The following USE1 variants were observed in gnomAD, a reference collection of about 807,000 sequenced individuals.
USE1 encodes unconventional SNARE in the ER 1, also known as vesicle transport protein USE1.
USE1 carries 32 observed loss-of-function variants against 37.6 expected under a neutral mutation model. The ratio of observed to expected loss-of-function variants is 0.85; its 90% CI spans 0.64 to 1.14. The LOEUF is 1.14. Among genes scored for constraint, USE1 ranks in the 50% most tolerant of loss-of-function variants. The pLI, the probability that USE1 is intolerant of heterozygous loss-of-function variation, is 0.00. For missense variants in USE1, 310 were observed against 332.2 expected (o/e 0.93, Z 0.52); for synonymous variants, 149 against 137.6 (o/e 1.08, Z -0.58).
At chr19:17,215,708 C>A (rs1446755768) in intron 1 of USE1, 94 bp from the exon 2 acceptor site, 12 of 1,184,184 alleles carry the variant, frequency 1.0e-5, no homozygotes, top group Admixed American at 2.1e-5. Context: ...CTCCTTTACG[C>A]TTGACCCCTC....
rs193208404 is a variant in USE1 at position 17,218,583 on chromosome 19, T to C, written c.422+192T>C. 226 of 619,948 alleles carry C rather than the reference T, an allele frequency of 3.6e-4. 1 individual carries two copies. The African/African-American group carries it at 3.7e-3, about 10-fold the overall frequency. 38.4% of individuals were successfully genotyped at this position (619,948 alleles called of 1,614,324 possible). A position where few individuals can be genotyped will look rare whatever the true frequency, so the allele number is the denominator to read the frequency against. The stretch of plus-strand genomic sequence containing the variant: ...GCTCACGCCTGTAATCCCAATACTT[T>C]GGGAGGCTGAGGCAGGCAGATCACC... On this transcript the variant is annotated intron_variant, in intron 6 of 7. Coordinates refer to ENST00000263897, the MANE Select transcript of USE1 (RefSeq NM_018467.4).
chr19:17,215,489 C>T lies in USE1; in HGVS notation c.84C>T (p.Asp28=). 1 of 1,561,506 alleles carries T rather than the reference C, an allele frequency of 6.4e-7. No individual in the cohort carries two copies. The highest frequency in any genetic ancestry group is 8.7e-7 in the Non-Finnish European group (1 of 1,154,314). The change falls in exon 1 of 8, where the codon GAC becomes GAT. Residue 28 remains aspartate, a synonymous_variant. Coordinates refer to ENST00000263897, the MANE Select transcript of USE1 (RefSeq NM_018467.4). ...TGGCAGCGGAGAAACGGGACCCGGA[C>T]GAGTGGCGCCTGGAGAAGGTGAGGG... is the stretch of plus-strand genomic sequence containing the variant. The part of the protein sequence containing the change: ...EAMAAEKRDP[D]EWRLEKYVGA...
intron 4 of USE1, 116 bp downstream of exon 4, chr19:17,216,437 A>G (rs150842518): frequency 1.2e-4 from 162 of 1,405,264 alleles, no homozygotes; most frequent in Non-Finnish European, 1.5e-4. Flanking sequence ...GGGTCCAGCA[A>G]TCTCTTCCCT....
chr19:17,216,004 T>G lies in USE1; in HGVS notation c.165T>G (p.Ser55=). The G allele has an allele frequency of 1.2e-6, 2 of 1,606,408 alleles. No homozygotes were observed. Among genetic ancestry groups the G allele is most frequent in the Non-Finnish European group, 1.7e-6 (2 of 1,176,520 alleles). The change falls in exon 3 of 8, where the codon TCT becomes TCG. Residue 55 remains serine (S), a synonymous_variant. Coordinates refer to ENST00000263897, the MANE Select transcript of USE1 (RefSeq NM_018467.4). The part of the protein sequence containing the change: ...ALKVHASKPA[S]EVINEYSWKV... ...TCCTGCCTTCCAGCAAACCGGCCTC[T>G]GAGGTGATCAATGAATATTCCTGGA... is the stretch of plus-strand genomic sequence containing the variant.
chr19:17,219,555 A>G, intron 7 of USE1, 76 bp from the exon 8 acceptor site: 1 of 1,500,208 alleles, frequency 6.7e-7, no homozygotes, highest in Admixed American at 2.2e-5. Context: ...CAAGAGGTGC[A>G]GGCCAGTCCC....
At chr19:17,215,744 C>T in intron 1 of USE1, 58 bp from the exon 2 acceptor site, 5 of 1,336,262 alleles carry the variant, frequency 3.7e-6, no homozygotes, top group Non-Finnish European at 4.2e-6. Context: ...GCCCCCCCGA[C>T]TCCCATGATC....
intron 6 of USE1, 197 bp downstream of exon 6, chr19:17,218,588 G>T: frequency 1.7e-6 from 1 of 574,208 alleles, no homozygotes. Flanking sequence ...TACTTTGGGA[G>T]GCTGAGGCAG....
chr19:17,217,590 C>T (rs941636578), intron 5 of USE1, 128 bp downstream of exon 5: 2 of 1,346,416 alleles, frequency 1.5e-6, no homozygotes, highest in Non-Finnish European at 2.1e-6. Context: ...CACCAAACTA[C>T]ACCTGGAGGA....
intron 5 of USE1, 184 bp from the exon 6 acceptor site, chr19:17,218,180 C>G (rs374549613): frequency 2.1e-5 from 15 of 721,206 alleles, no homozygotes; most frequent in Non-Finnish European, 3.4e-5. Flanking sequence ...CTGAGGGAAC[C>G]GAGACAGGAG....
At chr19:17,217,881 C>A in intron 5 of USE1, 1 of 346,384 alleles carries the variant, frequency 2.9e-6, no homozygotes, top group South Asian at 2.2e-5. Context: ...CACTGCACTC[C>A]AGCCGGGGCG....
rs771146695 is a variant in USE1 at position 17,219,694 on chromosome 19, C to T, written c.661C>T (p.Arg221Cys). Residue 221 changes from arginine (R) to cysteine (C), a missense_variant, in exon 8 of 8, where the codon CGT becomes TGT. Transcript: ENST00000263897. The stretch of plus-strand genomic sequence containing the variant: ...GGAGAAACTGAAGACGGAGTCAGAG[C>T]GTCTGGAGCAGCACACGCAGAAGTC... ...NLEKLKTESE[R>C]LEQHTQKSVN... 9 of 1,612,684 alleles carry T rather than the reference C, an allele frequency of 5.6e-6. No homozygotes were observed. The highest frequency in any genetic ancestry group is 3.4e-6 in the Non-Finnish European group (4 of 1,178,992).
intron 1 of USE1, 52 bp from the exon 2 acceptor site, chr19:17,215,750 T>G: frequency 1.3e-5 from 15 of 1,151,680 alleles, no homozygotes; most frequent in Non-Finnish European, 1.8e-5. Context: ...CCGACTCCCA[T>G]GATCAGGACA....
At position 17,216,221 on chromosome 19, in the gene USE1, T is replaced by C; in HGVS notation, c.284T>C (p.Val95Ala). Reference protein sequence around the residue: ...LANQFLAPGRVPTTARERVPA... With the variant: ...LANQFLAPGRAPTTARERVPA... ...AACCAGTTCCTGGCCCCTGGCCGTG[T>C]GCCAACCACAGCCAGAGAGCGAGTG... is the stretch of plus-strand genomic sequence containing the variant. The change falls in exon 4 of 8, where the codon GTG (valine) becomes GCG (alanine). Residue 95 changes from valine (V) to alanine (A), a missense_variant. Physicochemically the swap from Val to Ala is moderately conservative, Grantham distance 64 (BLOSUM62 0). Transcript: ENST00000263897. The C allele has an allele frequency of 1.2e-6, 2 of 1,612,892 alleles. No homozygotes were observed. The highest frequency in any genetic ancestry group is 1.7e-6 in the Non-Finnish European group (2 of 1,179,826).
rs2073280814 is a variant in USE1, at chr19:17,215,366, C to A, written c.-40C>A. On this transcript the variant is annotated 5_prime_UTR_variant, in exon 1 of 8. Transcript: ENST00000263897. ...TGAAGGCACTTCCGCCCTCTCTTAACATGGAGCCGGCGGAAGGGGTGGTGT... is the reference window on the plus strand; with the variant it reads ...TGAAGGCACTTCCGCCCTCTCTTAAAATGGAGCCGGCGGAAGGGGTGGTGT... The A allele has an allele frequency of 1.1e-5, 17 of 1,541,436 alleles. No homozygotes were observed. The highest frequency in any genetic ancestry group is 1.5e-5 in the Non-Finnish European group (17 of 1,142,888).
intron 5 of USE1, chr19:17,217,707 T>C (rs957545682): frequency 2.0e-5 from 11 of 547,902 alleles, no homozygotes; most frequent in Non-Finnish European, 3.8e-5. Flanking sequence ...AGGTCAGGAG[T>C]TTGAGACCAA....
chr19:17,218,851 G>A (rs113834817), intron 6 of USE1: 7,055 of 132,582 alleles, frequency 0.053, 254 homozygotes, highest in Non-Finnish European at 0.064. Flanking sequence ...AAAAAAGGTC[G>A]GGCGCGGTGG....
chr19:17,218,540 C>A lies in USE1; in HGVS notation c.422+149C>A, dbSNP rs2343616. On this transcript the variant is annotated intron_variant, in intron 6 of 7. Coordinates refer to ENST00000263897, the MANE Select transcript of USE1 (RefSeq NM_018467.4). ...TTCTGTGGATGCTCTTCCCAGAAGT[C>A]AAAGGCCAGGCGCAGTGGCTCACGC... 385,558 of 1,027,870 alleles carry A rather than the reference C, an allele frequency of 0.38. 77,349 individuals carry two copies. The highest frequency in any genetic ancestry group is 0.41 in the Non-Finnish European group (299,455 of 723,348). 63.7% of individuals were successfully genotyped at this position (1,027,870 alleles called of 1,614,324 possible).
rs777317581 is a variant in USE1, at chr19:17,219,213, T to C, written c.423T>C (p.Thr141=). 1.2e-6 allele frequency: 2 copies of C among 1,609,358 alleles called. No individual in the cohort carries two copies. Among genetic ancestry groups the C allele is most frequent in the South Asian group, 2.2e-5 (2 of 90,900 alleles). ...CTCCTCCCCCCGTGTGTGAAATCAG[T>C]GGAGTGGCAGGGTCCCAGCCAGTGA... The part of the protein sequence containing the change: ...AEPEMDVRKR[T]GVAGSQPVSE... The change falls in exon 7 of 8, where the codon ACT becomes ACC. Residue 141 remains threonine (T), a splice_region_variant and synonymous_variant. Transcript: ENST00000263897.
chr19:17,218,330 C>A, intron 5 of USE1, 34 bp from the exon 6 acceptor site: 2 of 1,613,456 alleles, frequency 1.2e-6, no homozygotes, highest in Non-Finnish European at 1.7e-6. Context: ...GAAACCAACA[C>A]TCGCCTTTTT....
Sources: gnomAD v4.1 joint callset for allele counts on GRCh38, gnomAD v4.1.1 for gene constraint, MANE v1.5 for transcripts, NCBI Gene and HGNC (gene_info 2026-07-23, HGNC 2026-07-21) for gene names.